The following FAM186B variants were observed in gnomAD, a reference collection of about 807,000 sequenced individuals.
FAM186B encodes the protein family with sequence similarity 186 member B.
In FAM186B, 68 loss-of-function variants were observed where a neutral mutation model predicts 83.4. The observed-to-expected ratio is 0.81, with a 90% CI of 0.67 to 1.00. The LOEUF (loss-of-function observed/expected upper bound fraction) is 1.00. Among genes scored for constraint, FAM186B ranks in the 50% least tolerant of loss-of-function variants. FAM186B has a pLI of 0.00. For synonymous variants in FAM186B, 389 were observed against 422.0 expected (o/e 0.92, Z 0.96); for missense variants, 983 against 1,099.2 (o/e 0.89, Z 1.49).
At chr12:49,608,576 T>G (rs1187889102), upstream of FAM186B, among the ~76,000 whole-genome samples, 1 of 151,624 alleles carries the variant, frequency 6.6e-6, no homozygotes, top group African/African-American at 2.4e-5. Flanking sequence ...ACTTGGAAAT[T>G]GCAAGGTAGT....
At chr12:49,620,177 G>A in the FAM186B span, among the ~76,000 whole-genome samples, 45 of 152,144 alleles carry the variant, frequency 3.0e-4, no homozygotes, top group African/African-American at 1.0e-3. Flanking sequence ...CCTAAAAGAT[G>A]GTGTTGAAAT....
At chr12:49,612,282 T>C in the FAM186B span, among the ~76,000 whole-genome samples, 16 of 151,520 alleles carry the variant, frequency 1.1e-4, no homozygotes, top group African/African-American at 3.4e-4. Context: ...ACATAAAGGG[T>C]TGAAGAAAGA....
chr12:49,600,480 G>A lies in FAM186B; in HGVS notation c.1160C>T (p.Ala387Val), dbSNP rs770297882. The A allele has an allele frequency of 6.2e-7, 1 of 1,613,630 alleles. No individual in the cohort carries two copies. Among genetic ancestry groups the A allele is most frequent in the Non-Finnish European group, 8.5e-7 (1 of 1,179,722 alleles). Residue 387 changes from alanine to valine, a missense_variant, in exon 4 of 7, where the codon GCA (alanine) becomes GTA (valine). Transcript: ENST00000257894. The surrounding 1 kb of genome is among the most constrained non-coding windows in gnomAD (Gnocchi z 4.3). Reference protein sequence around the residue: ...AMIRDSGAIAAGHQPLSTMTV... With the variant: ...AMIRDSGAIAVGHQPLSTMTV... ...CATGGTGGAAAGTGGCTGGTGCCCTGCAGCTATAGCACCACTGTCCCGTAT... is the reference window on the plus strand; with the variant it reads ...CATGGTGGAAAGTGGCTGGTGCCCTACAGCTATAGCACCACTGTCCCGTAT...
At chr12:49,622,264 G>C in the FAM186B span, among the ~76,000 whole-genome samples, 2 of 139,856 alleles carry the variant, frequency 1.4e-5, no homozygotes, top group Non-Finnish European at 3.1e-5. Context: ...CGGGCCGCGC[G>C]CCAGTCTCCT....
downstream of FAM186B, chr12:49,583,125 A>G (rs1160507484): frequency 6.6e-6 from 3 of 451,932 alleles, no homozygotes; most frequent in East Asian, 2.1e-4. Context: ...AAAACATGAA[A>G]CCTTTGAAAA....
At chr12:49,596,011 T>C (rs943609197) in intron 5 of FAM186B, among the ~76,000 whole-genome samples, 2 of 152,156 alleles carry the variant, frequency 1.3e-5, no homozygotes, top group East Asian at 3.9e-4. Flanking sequence ...AAAATAAGAC[T>C]AGAGCAGCGA....
chr12:49,584,849 C>T (rs1471290222), downstream of FAM186B, among the ~76,000 whole-genome samples: 3 of 152,182 alleles, frequency 2.0e-5, no homozygotes, highest in Non-Finnish European at 4.4e-5. Context: ...TCCCTCCCCT[C>T]ATTCTTTGCT....
chr12:49,607,364 C>G (rs138351261), upstream of FAM186B, among the ~76,000 whole-genome samples: 2 of 152,110 alleles, frequency 1.3e-5, no homozygotes, highest in Non-Finnish European at 2.9e-5. Context: ...ACAGACTCTA[C>G]AGTGGGAATA....
upstream of FAM186B, among the ~76,000 whole-genome samples, chr12:49,605,879 C>G (rs1266746459): frequency 1.3e-5 from 2 of 151,654 alleles, no homozygotes; most frequent in Non-Finnish European, 2.9e-5. Context: ...CTGGCTCAGC[C>G]TCCTGAGTAG....
chr12:49,603,519 T>A, intron 2 of FAM186B, 152 bp from the exon 3 acceptor site: 1 of 699,900 alleles, frequency 1.4e-6, no homozygotes, highest in Non-Finnish European at 2.4e-6. Context: ...CTTATCCCCC[T>A]GAGCCTCAGT....
At chr12:49,584,626 A>G (rs1272910217), downstream of FAM186B, 1 of 702,224 alleles carries the variant, frequency 1.4e-6, no homozygotes, top group Non-Finnish European at 2.6e-6. Context: ...TGCAAGAGTT[A>G]GTAGAGTTAC....
At chr12:49,619,952 T>TC in the FAM186B span, among the ~76,000 whole-genome samples, 1 of 152,076 alleles carries the variant, frequency 6.6e-6, no homozygotes, top group African/African-American at 2.4e-5. Flanking sequence ...AGTGCTGGGA[T>TC]TACAGGCATG....
chr12:49,598,660 G>T, intron 5 of FAM186B, 95 bp downstream of exon 5: 3 of 1,159,170 alleles, frequency 2.6e-6, no homozygotes, highest in Non-Finnish European at 3.6e-6. Context: ...CGCAGTCTCA[G>T]CCACATCCCC....
At chr12:49,608,518 T>A (rs1336351660), upstream of FAM186B, among the ~76,000 whole-genome samples, 2 of 151,394 alleles carry the variant, frequency 1.3e-5, no homozygotes, top group East Asian at 3.9e-4. Flanking sequence ...CCAAAAACCT[T>A]TTTTTTCCCC....
intron 5 of FAM186B, among the ~76,000 whole-genome samples, chr12:49,592,526 G>A (rs925271189): frequency 1.3e-5 from 2 of 152,128 alleles, no homozygotes; most frequent in East Asian, 1.9e-4. Flanking sequence ...GCTCAAGCCT[G>A]TAATCCCAGC....
chr12:49,600,077 C>A lies in FAM186B; in HGVS notation c.1563G>T (p.Trp521Cys), dbSNP rs1381230746. 3.1e-6 allele frequency: 5 copies of A among 1,607,888 alleles called. No homozygotes were observed. In the African/African-American group the frequency reaches 4.0e-5, roughly 13 times the overall value. Residue 521 changes from tryptophan to cysteine, a missense_variant, in exon 4 of 7, where the codon TGG becomes TGT. Transcript: ENST00000257894. This position sits in a 1 kb window ranked among gnomAD's most constrained non-coding sequence, Gnocchi z 4.3. ...GCTCCCTGGCCAGGTCTTCCAGATT[C>A]CACTGCCGCAGCTTCTCCTGATGCT... ...EQEHQEKLRQ[W>C]NLEDLAREQQ...
rs1565811620 is a variant in FAM186B at position 49,600,928 on chromosome 12, T to C, written c.712A>G (p.Thr238Ala). The C allele has an allele frequency of 6.2e-7, 1 of 1,614,170 alleles. No individual in the cohort carries two copies. Among genetic ancestry groups the C allele is most frequent in the Non-Finnish European group, 8.5e-7 (1 of 1,179,996 alleles). The change falls in exon 4 of 7, where the codon ACT (threonine) becomes GCT (alanine). Residue 238 changes from threonine (T) to alanine (A), a missense_variant. Thr to Ala is a moderately conservative substitution (Grantham distance 58). Transcript: ENST00000257894. This position sits in a 1 kb window ranked among gnomAD's most constrained non-coding sequence, Gnocchi z 4.3. ...GCCTTGTTGAGGTTCTCCACCACAG[T>C]GGCCATGTACCTGATGGCCCTGACC... The part of the protein sequence containing the change: ...GEVRAIRYMA[T>A]VVENLNKALI...
At chr12:49,602,293 G>A (rs1234804841) in intron 3 of FAM186B, among the ~76,000 whole-genome samples, 1 of 152,138 alleles carries the variant, frequency 6.6e-6, no homozygotes, top group African/African-American at 2.4e-5. Context: ...GACATAGTAC[G>A]GTACAGATTG....
chr12:49,620,615 C>A, the FAM186B span, among the ~76,000 whole-genome samples: 5 of 152,032 alleles, frequency 3.3e-5, no homozygotes, highest in African/African-American at 1.2e-4. Context: ...TACAATAGAG[C>A]TGCATAGTAG....
Sources: allele counts gnomAD v4.1 joint callset (sites outside exome capture counted in the v4.1 genomes callset), GRCh38; gene constraint gnomAD v4.1.1; non-coding constraint Gnocchi (gnomAD v3.1); transcripts MANE v1.5; gene names NCBI Gene and HGNC (gene_info 2026-07-23, HGNC 2026-07-21).